PCDHGB5: variants seen among roughly 807,000 people sequenced by gnomAD.
PCDHGB5 encodes the protein protocadherin gamma-B5.
PCDHGB5 carries 48 observed loss-of-function variants against 62.9 expected under a neutral mutation model. The observed-to-expected ratio is 0.76, with a 90% CI of 0.61 to 0.97. PCDHGB5 has a LOEUF of 0.97. Among genes scored for constraint, PCDHGB5 ranks in the 50% least tolerant of loss-of-function variants. PCDHGB5 has a pLI of 0.00. For missense variants in PCDHGB5, 1,118 were observed against 1,198.6 expected (o/e 0.93, Z 0.99); for synonymous variants, 474 against 511.2 (o/e 0.93, Z 0.98).
At chr5:141,496,011 T>G (rs1232125559) in intron 2 of PCDHGB5, among the ~76,000 whole-genome samples, 1 of 152,114 alleles carries the variant, frequency 6.6e-6, no homozygotes, top group African/African-American at 2.4e-5. Flanking sequence ...ATCTTGTCTT[T>G]TTTCTCTGAG....
chr5:141,415,811 A>G (rs2095960996), intron 1 of PCDHGB5: 5 of 1,340,748 alleles, frequency 3.7e-6, no homozygotes, highest in South Asian at 1.7e-5. Flanking sequence ...ATCAAGGCCT[A>G]TATATCATAA....
chr5:141,415,056 G>T, intron 1 of PCDHGB5: 1 of 1,613,416 alleles, frequency 6.2e-7, no homozygotes. Context: ...GGGAGCACAC[G>T]GGCGAGGTGC....
intron 1 of PCDHGB5, chr5:141,412,918 G>T: frequency 2.4e-6 from 1 of 414,220 alleles, no homozygotes; most frequent in Non-Finnish European, 4.2e-6. Flanking sequence ...TATCACTTGG[G>T]TGCAGTAACT....
chr5:141,437,074 A>G (rs1455066447), intron 1 of PCDHGB5, among the ~76,000 whole-genome samples: 1 of 152,250 alleles, frequency 6.6e-6, no homozygotes, highest in Non-Finnish European at 1.5e-5. Flanking sequence ...GGTTTGGGCC[A>G]TATAAGAATT....
intron 1 of PCDHGB5, among the ~76,000 whole-genome samples, chr5:141,453,850 CT>C (rs1465668273): frequency 1.3e-5 from 2 of 152,148 alleles, no homozygotes; most frequent in Non-Finnish European, 2.9e-5. Context: ...CCACAGAGCA[CT>C]TTGAAAATAA....
chr5:141,434,838 A>G (rs1363952147), intron 1 of PCDHGB5, among the ~76,000 whole-genome samples: 1 of 152,022 alleles, frequency 6.6e-6, no homozygotes, highest in Non-Finnish European at 1.5e-5. Context: ...GGCATTTATA[A>G]AGCAGACATC....
rs1460703461 is a variant in PCDHGB5 at position 141,490,596 on chromosome 5, C to G, written c.2398-4211C>G. 2.5e-6 allele frequency: 4 copies of G among 1,614,052 alleles called. No homozygotes were observed. The African/African-American group carries it at 4.0e-5, about 16-fold the overall frequency. On this transcript the variant is annotated intron_variant, in intron 1 of 3. Transcript: ENST00000617380. The surrounding 1 kb of genome is among the most constrained non-coding windows in gnomAD (Gnocchi z 5.4). Reference sequence around the variant, plus strand: ...TTTCAGATGTCAATGACAATGCACCCCGCTTCAACCAGCAGCTTTACACTG... The same window carrying G: ...TTTCAGATGTCAATGACAATGCACCGCGCTTCAACCAGCAGCTTTACACTG...
At chr5:141,471,637 T>C (rs1284100810) in intron 1 of PCDHGB5, 2 of 152,198 alleles carry the variant, frequency 1.3e-5, no homozygotes, top group Non-Finnish European at 2.9e-5. Context: ...TATGGATTAG[T>C]AATATACTGG....
chr5:141,450,006 C>CTTTT (rs1554136305), intron 1 of PCDHGB5, among the ~76,000 whole-genome samples: 4 of 132,984 alleles, frequency 3.0e-5, no homozygotes, highest in South Asian at 2.3e-4. Flanking sequence ...TGCCATGTCT[C>CTTTT]TTTTTTTTTT....
rs751560177 is a variant in PCDHGB5 at position 141,432,962 on chromosome 5, G to T, written c.2397+32438G>T. 7 of 1,614,092 alleles carry T rather than the reference G, an allele frequency of 4.3e-6. No individual in the cohort carries two copies. The highest frequency in any genetic ancestry group is 5.9e-6 in the Non-Finnish European group (7 of 1,180,046). Reference sequence around the variant, plus strand: ...GGCTTCAGGAGGCGGCTTGACAGGAGCGCCGGCGTCGCACTTTGTGGGCGT... The same window carrying T: ...GGCTTCAGGAGGCGGCTTGACAGGATCGCCGGCGTCGCACTTTGTGGGCGT... On this transcript the variant is annotated intron_variant, in intron 1 of 3. Transcript: ENST00000617380. The surrounding 1 kb of genome is among the most constrained non-coding windows in gnomAD (Gnocchi z 6.0).
intron 1 of PCDHGB5, chr5:141,428,516 G>A (rs763205471): frequency 3.6e-6 from 1 of 281,256 alleles, no homozygotes; most frequent in Non-Finnish European, 7.0e-6. Context: ...TCTAGAAAAA[G>A]AAGATTTAAT....
chr5:141,418,986 C>T, intron 1 of PCDHGB5: 1 of 1,613,930 alleles, frequency 6.2e-7, no homozygotes, highest in Non-Finnish European at 8.5e-7. Context: ...GACCAAGACT[C>T]AGGGGAAAAT....
chr5:141,487,811 A>C lies in PCDHGB5; in HGVS notation c.2398-6996A>C, dbSNP rs1389081995. 2 of 1,414,662 alleles carry C rather than the reference A, an allele frequency of 1.4e-6. No homozygotes were observed. The highest frequency in any genetic ancestry group is 1.9e-6 in the Non-Finnish European group (2 of 1,041,698). The allele number at this position is 1,414,662 out of a possible 1,614,324, so 87.6% of individuals were successfully genotyped here. On this transcript the variant is annotated intron_variant, in intron 1 of 3. Coordinates refer to ENST00000617380, the MANE Select transcript of PCDHGB5 (RefSeq NM_018925.3). This position sits in a 1 kb window ranked among gnomAD's most constrained non-coding sequence, Gnocchi z 5.0. ...TTAACCAGAGTTGTCACAGTTTAGC[A>C]TTGGGGGCGGGTCATGCCTATATCT...
Position 141,399,988 on chromosome 5 carries a change from G to C in PCDHGB5, c.1861G>C (p.Glu621Gln). 1 of 1,612,442 alleles carries C rather than the reference G, an allele frequency of 6.2e-7. No homozygotes were observed. The highest frequency in any genetic ancestry group is 8.5e-7 in the Non-Finnish European group (1 of 1,179,646). The change falls in exon 1 of 4, where the codon GAG (glutamate) becomes CAG (glutamine). Residue 621 changes from glutamate (E) to glutamine (Q), a missense_variant. Around this residue, in one of 2 missense-constraint regions of PCDHGB5, gnomAD observed 1,034 missense variants for 1,029.1 expected, o/e 1.00. Transcript: ENST00000617380. ...CTTCAGCCTGGGGCTGCGCACAGGA[G>C]AGGTGCGCACAGCGCGTGCCTTGGG... is the stretch of plus-strand genomic sequence containing the variant. ...GLFSLGLRTG[E>Q]VRTARALGDR...
chr5:141,459,259 G>T (rs996530664), intron 1 of PCDHGB5, among the ~76,000 whole-genome samples: 1 of 152,140 alleles, frequency 6.6e-6, no homozygotes, highest in Non-Finnish European at 1.5e-5. Context: ...ATAAATTAGT[G>T]TTGCCTCTTT....
At position 141,398,789 on chromosome 5, in the gene PCDHGB5, C is replaced by G. The variant is rs1400897772; in HGVS notation, c.662C>G (p.Pro221Arg). ...VLTALDGGHP[P>R]LSGTTELRIQ... is the part of the protein sequence containing the mutation. ...ACTGCCTTGGACGGTGGACATCCAC[C>G]CCTAAGCGGCACCACTGAGCTCCGG... Residue 221 changes from proline to arginine, a missense_variant, in exon 1 of 4, where the codon CCC becomes CGC. Pro to Arg is a moderately radical substitution (Grantham distance 103). Coordinates refer to ENST00000617380, the MANE Select transcript of PCDHGB5 (RefSeq NM_018925.3). 5 of 1,613,778 alleles carry G rather than the reference C, an allele frequency of 3.1e-6. No homozygotes were observed. Among genetic ancestry groups the G allele is most frequent in the Non-Finnish European group, 4.2e-6 (5 of 1,179,898 alleles).
At position 141,511,575 on chromosome 5, in the gene PCDHGB5, T is replaced by C. The variant is rs930675653; in HGVS notation, c.*402T>C. On this transcript the variant is annotated 3_prime_UTR_variant, in exon 4 of 4. Transcript: ENST00000617380. ...AGTTCCTCTTTCCCGAGTAAGGTGG[T>C]TGGGGTGTTGAAGTACCAAGTAACC... 28 of 287,258 alleles carry C rather than the reference T, an allele frequency of 9.7e-5. No individual in the cohort carries two copies. Among genetic ancestry groups the C allele is most frequent in the Middle Eastern group, 1.3e-3 (1 of 784 alleles). The allele number at this position is 287,258 out of a possible 1,614,324, so 17.8% of individuals were successfully genotyped here.
chr5:141,478,822 T>A, intron 1 of PCDHGB5: 2 of 1,444,070 alleles, frequency 1.4e-6, no homozygotes, highest in South Asian at 1.5e-5. Context: ...AACTAACCAA[T>A]CTTGCTAAGG....
chr5:141,409,659 A>C, intron 1 of PCDHGB5: 1 of 1,613,574 alleles, frequency 6.2e-7, no homozygotes, highest in Non-Finnish European at 8.5e-7. Flanking sequence ...CTCAATGGCC[A>C]CATCTCCTAC....
Sources: gnomAD v4.1 joint callset for allele counts (sites outside exome capture counted in the v4.1 genomes callset) on GRCh38, gnomAD v4.1.1 for gene constraint, gnomAD v4.1.1 regional missense constraint, Gnocchi (gnomAD v3.1) non-coding constraint, MANE v1.5 for transcripts, NCBI Gene and HGNC (gene_info 2026-07-23, HGNC 2026-07-21) for gene names.